The following PTPRT variants were observed in gnomAD, a reference collection of about 807,000 sequenced individuals.
The protein encoded by PTPRT is protein tyrosine phosphatase receptor type T.
A neutral mutation model predicts 176.8 loss-of-function variants in PTPRT; 56 were observed. That is an observed-to-expected ratio of 0.32 (90% confidence interval 0.26 to 0.40). The LOEUF is 0.40. Among genes scored for constraint, PTPRT ranks in the 10% least tolerant of loss-of-function variants. PTPRT has a pLI of 1.00. For missense variants in PTPRT, 1,540 were observed against 1,908.2 expected (o/e 0.81, Z 3.60); for synonymous variants, 783 against 739.0 (o/e 1.06, Z -0.96).
chr20:42,539,973 G>C (rs1025238541), intron 7 of PTPRT, among the ~76,000 whole-genome samples: 1 of 151,910 alleles, frequency 6.6e-6, no homozygotes, highest in African/African-American at 2.4e-5. Flanking sequence ...GAAAATGAAG[G>C]GAGAGAATAA....
chr20:42,649,987 G>A (rs1030236986), intron 7 of PTPRT, among the ~76,000 whole-genome samples: 2 of 152,014 alleles, frequency 1.3e-5, no homozygotes, highest in Non-Finnish European at 2.9e-5. Flanking sequence ...TCTCCAAAAG[G>A]CCCCACCCTC....
rs542819275 is a variant in PTPRT, at chr20:43,096,840, G to A, written c.88+92806C>T. ...GGATGTGGGTGGCAGGCTGCCAGCTGAGGAGGTTGGAGGCCCCAGGCTCCC... is the reference window on the plus strand; with the variant it reads ...GGATGTGGGTGGCAGGCTGCCAGCTAAGGAGGTTGGAGGCCCCAGGCTCCC... On this transcript the variant is annotated intron_variant, in intron 1 of 30. Coordinates refer to ENST00000373187, the MANE Select transcript of PTPRT (RefSeq NM_007050.6). Among the ~76,000 whole-genome samples the A allele has an allele frequency of 1.3e-4, 20 of 152,324 alleles. No individual in the cohort carries two copies. The South Asian group carries it at 3.7e-3, about 28-fold the overall frequency.
chr20:42,392,433 C>CAA lies in PTPRT; in HGVS notation c.1561-40150_1561-40149dup, dbSNP rs11479173. Among the ~76,000 whole-genome samples, 48 of 147,146 alleles carry CAA rather than the reference C, an allele frequency of 3.3e-4. No homozygotes were observed. In the East Asian group the frequency reaches 5.5e-3, roughly 17 times the overall value. On this transcript the variant is annotated intron_variant, in intron 9 of 30. Transcript: ENST00000373187. ...TACTAATCTTTCTTTTGGTATTTCT[C>CAA]AAAAAAAAAAATCCATTTCATTTTT...
rs565291381 is a variant in PTPRT, at chr20:42,642,634, A to C, written c.1153+35232T>G. Among the ~76,000 whole-genome samples the C allele has an allele frequency of 1.2e-4, 19 of 152,290 alleles. 1 individual carries two copies. The highest frequency in any genetic ancestry group is 4.1e-4 in the African/African-American group (17 of 41,552). On this transcript the variant is annotated intron_variant, in intron 7 of 30. Transcript: ENST00000373187. ...ATTAAATACCTGAGATCAATGAGGT[A>C]CCCAGTGAGTGGTAACTAGTATTAC...
chr20:43,009,205 A>G (rs1479640337), intron 1 of PTPRT, among the ~76,000 whole-genome samples: 1 of 152,110 alleles, frequency 6.6e-6, no homozygotes, highest in Non-Finnish European at 1.5e-5. Flanking sequence ...GAGAACTATC[A>G]CTGAAAAAAA....
intron 8 of PTPRT, among the ~76,000 whole-genome samples, chr20:42,456,030 A>AG (rs1156262425): frequency 1.3e-5 from 2 of 152,064 alleles, no homozygotes; most frequent in African/African-American, 4.8e-5. Context: ...TTATAATAAT[A>AG]GTTTTCTCAT....
intron 3 of PTPRT, among the ~76,000 whole-genome samples, chr20:42,788,679 T>C (rs1022556237): frequency 1.3e-5 from 2 of 152,128 alleles, no homozygotes; most frequent in Non-Finnish European, 2.9e-5. Context: ...AATAAAAACC[T>C]TAAGAAAACC....
At chr20:42,665,591 G>T (rs1402219636) in intron 7 of PTPRT, among the ~76,000 whole-genome samples, 1 of 152,094 alleles carries the variant, frequency 6.6e-6, no homozygotes, top group Non-Finnish European at 1.5e-5. Context: ...TCCAATTACT[G>T]GGTATATACC....
intron 2 of PTPRT, among the ~76,000 whole-genome samples, chr20:42,874,440 C>CA (rs5841478): frequency 1.3e-5 from 2 of 151,138 alleles, no homozygotes; most frequent in East Asian, 1.9e-4. Flanking sequence ...ATCCTCTCCT[C>CA]AAAAAAAAAG....
At position 42,579,962 on chromosome 20, in the gene PTPRT, T is replaced by A. The variant is rs866824858; in HGVS notation, c.1153+97904A>T. Among the ~76,000 whole-genome samples, 541 of 152,262 alleles carry A rather than the reference T, an allele frequency of 3.6e-3. 2 individuals carry two copies. Among genetic ancestry groups the A allele is most frequent in the African/African-American group, 0.012 (494 of 41,552 alleles). On this transcript the variant is annotated intron_variant, in intron 7 of 30. Transcript: ENST00000373187. ...GTTGCCGTTGCTTTTGGTGTTTTAG[T>A]CATGAAGTCCTTGCCCATGCCTATG...
intron 11 of PTPRT, among the ~76,000 whole-genome samples, chr20:42,335,185 G>A (rs2058023043): frequency 6.6e-6 from 1 of 152,128 alleles, no homozygotes; most frequent in Non-Finnish European, 1.5e-5. Flanking sequence ...TAAAATGTGG[G>A]GCTGAAAAGG....
intron 14 of PTPRT, among the ~76,000 whole-genome samples, chr20:42,240,338 G>A (rs991690230): frequency 1.3e-5 from 2 of 151,002 alleles, no homozygotes; most frequent in Non-Finnish European, 2.9e-5. Flanking sequence ...TTTTCTCTAA[G>A]CCTTGAAGAA....
downstream of PTPRT, among the ~76,000 whole-genome samples, chr20:42,071,409 A>G (rs1404036936): frequency 6.6e-6 from 1 of 152,136 alleles, no homozygotes; most frequent in Non-Finnish European, 1.5e-5. Context: ...GTTCCCCTCT[A>G]ATAACAACAG....
At chr20:42,546,206 AC>A (rs1335324980) in intron 7 of PTPRT, among the ~76,000 whole-genome samples, 1 of 152,220 alleles carries the variant, frequency 6.6e-6, no homozygotes, top group Non-Finnish European at 1.5e-5. Context: ...CCCCAGAATT[AC>A]AGCAGATTCA....
intron 6 of PTPRT, among the ~76,000 whole-genome samples, chr20:42,702,782 G>A (rs916857714): frequency 1.3e-5 from 2 of 152,226 alleles, no homozygotes; most frequent in African/African-American, 2.4e-5. Context: ...TAGAAAGTCA[G>A]TGGCAGAGCT....
In PTPRT at chr20:42,792,058, T is replaced by C. The variant is rs1270854168; in HGVS notation, c.215-592A>G. Among the ~76,000 whole-genome samples the C allele has an allele frequency of 3.3e-5, 5 of 152,348 alleles. No individual in the cohort carries two copies. The East Asian group carries it at 9.7e-4, about 29-fold the overall frequency. ...CCTTGCTGGGCTTGCCGTCTTGCACTACTGCTACCTTTCATGAAAAGGATG... is the reference window on the plus strand; with the variant it reads ...CCTTGCTGGGCTTGCCGTCTTGCACCACTGCTACCTTTCATGAAAAGGATG... On this transcript the variant is annotated intron_variant, in intron 2 of 30. Transcript: ENST00000373187.
intron 2 of PTPRT, among the ~76,000 whole-genome samples, chr20:42,865,284 A>G (rs2078727694): frequency 6.6e-6 from 1 of 152,244 alleles, no homozygotes; most frequent in Admixed American, 6.5e-5. Context: ...TTCAGGCCAC[A>G]CAGCAGGTCA....
intron 8 of PTPRT, among the ~76,000 whole-genome samples, chr20:42,455,800 C>G: frequency 6.6e-6 from 1 of 152,208 alleles, no homozygotes; most frequent in East Asian, 1.9e-4. Flanking sequence ...GTTAGACTTT[C>G]CCTGTGTCAA....
At chr20:43,047,121 C>T (rs1278592201) in intron 1 of PTPRT, among the ~76,000 whole-genome samples, 1 of 148,620 alleles carries the variant, frequency 6.7e-6, no homozygotes, top group Non-Finnish European at 1.5e-5. Context: ...AATCTGTTTT[C>T]CCCGATTCGC....
Sources: allele counts gnomAD v4.1 joint callset (sites outside exome capture counted in the v4.1 genomes callset), GRCh38; gene constraint gnomAD v4.1.1; transcripts MANE v1.5; gene names NCBI Gene and HGNC (gene_info 2026-07-23, HGNC 2026-07-21).